The following LRP1B variants were observed in gnomAD, a reference collection of about 807,000 sequenced individuals.
LRP1B encodes the protein low-density lipoprotein receptor-related protein 1B.
In LRP1B, 217 loss-of-function variants were observed where a neutral mutation model predicts 556.6. The observed-to-expected ratio is 0.39, with a 90% CI of 0.35 to 0.44. The LOEUF (loss-of-function observed/expected upper bound fraction) is 0.44, where lower values mean the gene tolerates loss of function less well. LRP1B is among the 20% of genes least tolerant of loss of function. The pLI, the probability that LRP1B is intolerant of heterozygous loss-of-function variation, is 1.00. For missense variants in LRP1B, 5,053 were observed against 5,620.8 expected (o/e 0.90, Z 3.23); for synonymous variants, 2,047 against 1,865.8 (o/e 1.10, Z -2.50).
At chr2:140,815,472 C>T (rs1012818063) in intron 31 of LRP1B, among the ~76,000 whole-genome samples, 6 of 151,786 alleles carry the variant, frequency 4.0e-5, no homozygotes, top group Non-Finnish European at 8.8e-5. Context: ...TCGCCTAGTT[C>T]TATTTTTTTT....
intron 32 of LRP1B, among the ~76,000 whole-genome samples, chr2:140,812,273 A>T (rs1690955441): frequency 6.6e-6 from 1 of 152,120 alleles, no homozygotes; most frequent in East Asian, 1.9e-4. Context: ...ACTTCAAGTG[A>T]TTCTCACAAC....
At chr2:141,624,047 A>AAAAAAAAAAAAAAAAAAAAAAAAAAAAAT in intron 2 of LRP1B, among the ~76,000 whole-genome samples, 1 of 148,430 alleles carries the variant, frequency 6.7e-6, no homozygotes, top group African/African-American at 2.5e-5. Context: ...AAAAAAAAAA[A>AAAAAAAAAAAAAAAAAAAAAAAAAAAAAT]GAAAAGAAAA....
At chr2:140,568,066 A>G (rs900161937) in intron 43 of LRP1B, among the ~76,000 whole-genome samples, 3 of 151,720 alleles carry the variant, frequency 2.0e-5, no homozygotes, top group Non-Finnish European at 4.4e-5. Flanking sequence ...CACAAGAAAC[A>G]AAAAAAAGAA....
At chr2:140,912,073 C>T (rs1207048328) in intron 21 of LRP1B, among the ~76,000 whole-genome samples, 1 of 151,700 alleles carries the variant, frequency 6.6e-6, no homozygotes, top group African/African-American at 2.4e-5. Flanking sequence ...TAGCCCCCCT[C>T]TTCCTATTGA....
chr2:140,654,025 C>CAA (rs61199077), intron 41 of LRP1B, among the ~76,000 whole-genome samples: 1,519 of 34,878 alleles, frequency 0.044, 185 homozygotes, highest in East Asian at 0.11. Flanking sequence ...GACTCCATCT[C>CAA]AAAAAAAAAA....
chr2:140,390,704 C>A (rs1683976448), intron 66 of LRP1B, among the ~76,000 whole-genome samples: 1 of 150,052 alleles, frequency 6.7e-6, no homozygotes, highest in Admixed American at 6.7e-5. Context: ...AAGGAATTAT[C>A]CAGAATATAT....
chr2:141,014,486 G>T (rs1202698522), intron 13 of LRP1B, among the ~76,000 whole-genome samples: 1 of 151,966 alleles, frequency 6.6e-6, no homozygotes, highest in Non-Finnish European at 1.5e-5. Flanking sequence ...TCAATAATGA[G>T]AATACTTTTT....
chr2:140,542,319 G>A (rs1487502136), intron 43 of LRP1B, among the ~76,000 whole-genome samples: 1 of 151,992 alleles, frequency 6.6e-6, no homozygotes, highest in African/African-American at 2.4e-5. Context: ...CCTTTAGTAA[G>A]AAATCACCAG....
At chr2:141,013,030 T>A (rs1697800227) in intron 14 of LRP1B, among the ~76,000 whole-genome samples, 1 of 151,948 alleles carries the variant, frequency 6.6e-6, no homozygotes. Flanking sequence ...TATTATCTGA[T>A]TTTAAGAAGA....
chr2:140,705,521 CAAAAAAAAAAAAAAAA>C (rs565447198), intron 37 of LRP1B, among the ~76,000 whole-genome samples: 39 of 68,214 alleles, frequency 5.7e-4, no homozygotes, highest in Admixed American at 1.6e-3. Context: ...GAGACTGTCT[CAAAAAAAAAAAAAAAA>C]AAAAAAAAAA....
intron 11 of LRP1B, among the ~76,000 whole-genome samples, chr2:141,037,566 T>G (rs1008380553): frequency 2.6e-5 from 4 of 152,002 alleles, no homozygotes; most frequent in African/African-American, 9.7e-5. Flanking sequence ...GTAGGCAGGA[T>G]AGTGTTGGCT....
Position 140,297,964 on chromosome 2 carries a change from G to A in LRP1B, c.12811C>T (p.Pro4271Ser), listed in dbSNP as rs550609768. The A allele has an allele frequency of 2.5e-6, 4 of 1,603,708 alleles. No homozygotes were observed. The South Asian group carries it at 3.3e-5, about 13-fold the overall frequency. ...GTCVPSVLGR[P>S]TCSCALGFTG... ...AAACCCAGTGCACAGCTGCAGGTGG[G>A]TCTCCCTATTGGAAACAATAAGTAA... The change falls in exon 84 of 91, where the codon CCC (proline) becomes TCC (serine). Residue 4271 changes from proline to serine, a missense_variant. Physicochemically the swap from Pro to Ser is moderately conservative, Grantham distance 74 (BLOSUM62 -1). Around this residue, in one of 5 missense-constraint regions of LRP1B, gnomAD observed 551 missense variants for 592.0 expected, o/e 0.93. Transcript: ENST00000389484.
chr2:141,251,092 G>A (rs964804642), intron 4 of LRP1B, among the ~76,000 whole-genome samples: 4 of 152,118 alleles, frequency 2.6e-5, no homozygotes, highest in African/African-American at 9.7e-5. Flanking sequence ...TTACTTCTGG[G>A]TTGAGGGGTA....
At chr2:140,764,874 T>C (rs976626259) in intron 35 of LRP1B, among the ~76,000 whole-genome samples, 7 of 152,214 alleles carry the variant, frequency 4.6e-5, no homozygotes, top group Non-Finnish European at 1.0e-4. Context: ...TACTGACATG[T>C]TCCTTCAGTG....
intron 35 of LRP1B, among the ~76,000 whole-genome samples, chr2:140,753,568 A>G (rs890185830): frequency 6.6e-6 from 1 of 152,204 alleles, no homozygotes; most frequent in African/African-American, 2.4e-5. Flanking sequence ...TATTTAATTA[A>G]AAATAAATCT....
intron 3 of LRP1B, among the ~76,000 whole-genome samples, chr2:141,286,572 A>C (rs1487189515): frequency 6.6e-6 from 1 of 152,222 alleles, no homozygotes; most frequent in East Asian, 1.9e-4. Context: ...AAATTAGCCA[A>C]TTAAGTCATT....
chr2:142,021,245 G>C (rs1474796359), intron 1 of LRP1B, among the ~76,000 whole-genome samples: 7 of 151,932 alleles, frequency 4.6e-5, no homozygotes, highest in Non-Finnish European at 8.8e-5. Flanking sequence ...ATTCTCTCAA[G>C]TTATTTACTG....
In LRP1B at chr2:140,513,441, T is replaced by C. The variant is rs1450184885; in HGVS notation, c.8269+1212A>G. On this transcript the variant is annotated intron_variant, in intron 51 of 90. Transcript: ENST00000389484. ...TAAATAGGTAATTCTTTTATTAAATTTATTTTTAAAAGTAATAGCAAAGAG... is the reference window on the plus strand; with the variant it reads ...TAAATAGGTAATTCTTTTATTAAATCTATTTTTAAAAGTAATAGCAAAGAG... 2.0e-5 allele frequency among the ~76,000 whole-genome samples: 3 copies of C among 152,086 alleles called. No individual in the cohort carries two copies. The East Asian group carries it at 5.8e-4, about 29-fold the overall frequency.
intron 35 of LRP1B, among the ~76,000 whole-genome samples, chr2:140,751,576 A>G (rs1482170508): frequency 6.6e-6 from 1 of 152,176 alleles, no homozygotes; most frequent in Non-Finnish European, 1.5e-5. Context: ...TAATATTTTA[A>G]TACTTTATTT....
Sources: gnomAD v4.1 joint callset for allele counts (sites outside exome capture counted in the v4.1 genomes callset) on GRCh38, gnomAD v4.1.1 for gene constraint, gnomAD v4.1.1 regional missense constraint, MANE v1.5 for transcripts, NCBI Gene and HGNC (gene_info 2026-07-23, HGNC 2026-07-21) for gene names.